The following SRGAP2 variants were observed in gnomAD, a reference collection of about 807,000 sequenced individuals.
The protein encoded by SRGAP2 is SLIT-ROBO Rho GTPase-activating protein 2.
A neutral mutation model predicts 57.2 loss-of-function variants in SRGAP2; 15 were observed. The ratio of observed to expected loss-of-function variants is 0.26; its 90% CI spans 0.18 to 0.40. SRGAP2 has a LOEUF of 0.40. Among genes scored for constraint, SRGAP2 ranks in the 10% least tolerant of loss-of-function variants. The probability of loss-of-function intolerance (pLI) is 1.00; values close to 1 mark genes in which losing one functional copy is unlikely to be tolerated. For synonymous variants in SRGAP2, 249 were observed against 248.0 expected (o/e 1.00, Z -0.04); for missense variants, 520 against 669.6 (o/e 0.78, Z 2.47).
At chr1:206,314,391 C>T (rs1672915064) in intron 3 of SRGAP2, among the ~76,000 whole-genome samples, 1 of 152,180 alleles carries the variant, frequency 6.6e-6, no homozygotes, top group South Asian at 2.1e-4. Flanking sequence ...ACCTTGGCCT[C>T]CCAAAGTGCT....
chr1:206,449,729 CTTCCACTTTTTCACCAG>C (rs1450156875), intron 18 of SRGAP2, among the ~76,000 whole-genome samples: 16 of 152,242 alleles, frequency 1.1e-4, no homozygotes, highest in African/African-American at 3.9e-4. Context: ...TATGACTCAC[CTTCCACTTTTTCACCAG>C]TTCACAGTCT....
chr1:206,309,333 A>G (rs1489951738), intron 3 of SRGAP2, among the ~76,000 whole-genome samples: 2 of 151,988 alleles, frequency 1.3e-5, no homozygotes, highest in Non-Finnish European at 2.9e-5. Context: ...CTTTGATAGC[A>G]AGCAGAGAAG....
At position 206,248,559 on chromosome 1, in the gene SRGAP2, A is replaced by G. The variant is rs576345008; in HGVS notation, c.67+42522A>G. ...CAAACTGCAGATCTTTTGGCTTTGTAATATATTCAGTTCCACATTTATTCA... is the reference window on the plus strand; with the variant it reads ...CAAACTGCAGATCTTTTGGCTTTGTGATATATTCAGTTCCACATTTATTCA... On this transcript the variant is annotated intron_variant, in intron 2 of 22. Transcript: ENST00000573034. Among the ~76,000 whole-genome samples the G allele has an allele frequency of 1.7e-3, 256 of 152,174 alleles. 4 individuals are homozygous for G. The highest frequency in any genetic ancestry group is 0.014 in the Admixed American group (211 of 15,286).
chr1:206,307,713 G>A lies in SRGAP2; in HGVS notation c.260+4240G>A, dbSNP rs1220567774. Among the ~76,000 whole-genome samples, 104 of 152,360 alleles carry A rather than the reference G, an allele frequency of 6.8e-4. 1 individual carries two copies. The highest frequency in any genetic ancestry group is 5.9e-4 in the Admixed American group (9 of 15,312). ...TGGCCCGGGTGCTAAGTCCCCCATT[G>A]CCCGGGGCCAGCAGGGCTGGCCGGC... On this transcript the variant is annotated intron_variant, in intron 3 of 22. Transcript: ENST00000573034.
intron 10 of SRGAP2, among the ~76,000 whole-genome samples, chr1:206,412,767 A>G (rs1553360068): frequency 6.6e-6 from 1 of 152,206 alleles, no homozygotes; most frequent in Admixed American, 6.5e-5. Context: ...TCCACCAATT[A>G]AAGACAAGGT....
At chr1:206,415,800 A>G (rs1211193441) in intron 10 of SRGAP2, 89 bp from the exon 11 acceptor site, 9 of 706,800 alleles carry the variant, frequency 1.3e-5, no homozygotes, top group African/African-American at 7.0e-5. Context: ...AATGACCTCT[A>G]TATAGGGGAA....
rs1659661627 is a variant in SRGAP2 at position 206,415,906 on chromosome 1, G to T, written c.1374G>T (p.Leu458=). Residue 458 remains leucine (L), a synonymous_variant, in exon 11 of 23, where the codon CTG becomes CTT. Transcript: ENST00000573034. Reference sequence around the variant, plus strand: ...TCTTACAGAAAATGAAAGAGTACCTGGAGGGCAGGAACCTCATCACCAAGT... The same window carrying T: ...TCTTACAGAAAATGAAAGAGTACCTTGAGGGCAGGAACCTCATCACCAAGT... The part of the protein sequence containing the change: ...QFYFTKMKEY[L]EGRNLITKLQ... The T allele has an allele frequency of 1.3e-6, 1 of 780,158 alleles. No individual in the cohort carries two copies. Among genetic ancestry groups the T allele is most frequent in the Non-Finnish European group, 2.4e-6 (1 of 417,842 alleles). 48.3% of individuals were successfully genotyped at this position (780,158 alleles called of 1,614,324 possible).
chr1:206,290,351 C>T (rs1671240387), intron 2 of SRGAP2, among the ~76,000 whole-genome samples: 4 of 152,032 alleles, frequency 2.6e-5, no homozygotes, highest in Admixed American at 2.6e-4. Context: ...TAGGTATTAT[C>T]AGAAATGTAT....
intron 2 of SRGAP2, among the ~76,000 whole-genome samples, chr1:206,220,379 G>T (rs1461384560): frequency 2.6e-5 from 4 of 152,212 alleles, no homozygotes; most frequent in Non-Finnish European, 5.9e-5. Flanking sequence ...ACTATTTGGA[G>T]TAGGAGTGAG....
At chr1:206,410,370 C>T (rs570652741) in intron 10 of SRGAP2, among the ~76,000 whole-genome samples, 3 of 152,160 alleles carry the variant, frequency 2.0e-5, no homozygotes, top group East Asian at 1.9e-4. Flanking sequence ...ACTTTTTACC[C>T]GTTGCCTTTT....
chr1:206,249,565 G>A (rs1477693542), intron 2 of SRGAP2, among the ~76,000 whole-genome samples: 34 of 147,636 alleles, frequency 2.3e-4, no homozygotes, highest in Non-Finnish European at 3.9e-4. Flanking sequence ...GGCACAGTGT[G>A]GGGAACATCA....
rs376838514 is a variant in SRGAP2, at chr1:206,355,831, G to A, written c.423+12823G>A. On this transcript the variant is annotated intron_variant, in intron 4 of 22. Coordinates refer to ENST00000573034, the MANE Select transcript of SRGAP2 (RefSeq NM_015326.5). ...AAAATACAGAAATTAGCCAGGCATC[G>A]TGGTGTATTCCTGTAATCTCAGCTA... 1.8e-4 allele frequency among the ~76,000 whole-genome samples: 28 copies of A among 152,236 alleles called. No individual in the cohort carries two copies. The East Asian group carries it at 3.9e-3, about 21-fold the overall frequency.
At chr1:206,231,872 T>C (rs574275020) in intron 2 of SRGAP2, among the ~76,000 whole-genome samples, 1 of 152,020 alleles carries the variant, frequency 6.6e-6, no homozygotes, top group South Asian at 2.1e-4. Context: ...ATTGTTGGAG[T>C]AGATCATCAC....
At chr1:206,410,644 C>T (rs1181101699) in intron 10 of SRGAP2, among the ~76,000 whole-genome samples, 3 of 152,120 alleles carry the variant, frequency 2.0e-5, no homozygotes, top group Non-Finnish European at 4.4e-5. Context: ...TAGAAGTATT[C>T]CACTTATACA....
chr1:206,220,518 A>C (rs1283808843), intron 2 of SRGAP2, among the ~76,000 whole-genome samples: 1 of 152,192 alleles, frequency 6.6e-6, no homozygotes, highest in African/African-American at 2.4e-5. Flanking sequence ...CTGCCCTCGG[A>C]CAGTTCTTCA....
chr1:206,408,692 G>C (rs534799047), intron 10 of SRGAP2, among the ~76,000 whole-genome samples: 145 of 148,886 alleles, frequency 9.7e-4, no homozygotes, highest in African/African-American at 3.6e-3. Flanking sequence ...GACAGTCTTT[G>C]TCAGAATTAC....
intron 19 of SRGAP2, among the ~76,000 whole-genome samples, chr1:206,452,616 G>A (rs926052272): frequency 3.9e-5 from 6 of 152,120 alleles, no homozygotes; most frequent in East Asian, 1.9e-4. Flanking sequence ...GCGGTCGGGC[G>A]CGTGGCTCAC....
chr1:206,290,906 G>A (rs1251954880), intron 2 of SRGAP2, among the ~76,000 whole-genome samples: 83 of 152,132 alleles, frequency 5.5e-4, no homozygotes, highest in African/African-American at 2.0e-3. Context: ...TTTTCTCTGC[G>A]GCCTCTCCAG....
chr1:206,460,419 C>T (rs1664164840), intron 22 of SRGAP2, among the ~76,000 whole-genome samples: 2 of 152,042 alleles, frequency 1.3e-5, no homozygotes, highest in South Asian at 2.1e-4. Context: ...ATTCTTTTGT[C>T]CCCTTGGTGG....
Sources: gnomAD v4.1 joint callset for allele counts (sites outside exome capture counted in the v4.1 genomes callset) on GRCh38, gnomAD v4.1.1 for gene constraint, MANE v1.5 for transcripts, NCBI Gene and HGNC (gene_info 2026-07-23, HGNC 2026-07-21) for gene names.